The following TMEM132B variants were observed in gnomAD, a reference collection of about 807,000 sequenced individuals.
TMEM132B encodes transmembrane protein 132B.
Under a neutral mutation model 90.8 loss-of-function variants are expected in TMEM132B, and 18 were observed. The ratio of observed to expected loss-of-function variants is 0.20; its 90% CI spans 0.14 to 0.29. The LOEUF (loss-of-function observed/expected upper bound fraction) is 0.29. Among genes scored for constraint, TMEM132B ranks in the 10% least tolerant of loss-of-function variants. The pLI is 1.00. For synonymous variants in TMEM132B, 504 were observed against 523.3 expected (o/e 0.96, Z 0.50); for missense variants, 1,096 against 1,326.8 (o/e 0.83, Z 2.70).
At chr12:125,628,498 AT>A (rs926382622) in intron 5 of TMEM132B, among the ~76,000 whole-genome samples, 7 of 151,980 alleles carry the variant, frequency 4.6e-5, no homozygotes, top group East Asian at 1.9e-4. Context: ...GAATTATTCA[AT>A]TTTTTTCCAA....
chr12:125,418,238 A>G (rs1880074280), intron 3 of TMEM132B, among the ~76,000 whole-genome samples: 2 of 150,560 alleles, frequency 1.3e-5, no homozygotes, highest in South Asian at 4.3e-4. Context: ...TGTGAGAATC[A>G]GTTTTGCATT....
intron 3 of TMEM132B, among the ~76,000 whole-genome samples, chr12:125,439,710 T>C (rs1291017965): frequency 2.0e-5 from 3 of 152,232 alleles, no homozygotes; most frequent in African/African-American, 2.4e-5. Context: ...CTGTGTTGAA[T>C]AGGAGTGGTG....
intron 2 of TMEM132B, among the ~76,000 whole-genome samples, chr12:125,368,543 AT>A (rs1878199499): frequency 6.6e-6 from 1 of 152,098 alleles, no homozygotes; most frequent in African/African-American, 2.4e-5. Context: ...TGGAGTCATG[AT>A]TTCCTTTTTT....
chr12:125,364,486 A>G (rs536141751), intron 2 of TMEM132B, among the ~76,000 whole-genome samples: 2 of 152,262 alleles, frequency 1.3e-5, no homozygotes, highest in African/African-American at 4.8e-5. Context: ...TAGTTTGCAG[A>G]CATTTGTTCA....
At chr12:125,348,677 G>C (rs889003039) in intron 1 of TMEM132B, among the ~76,000 whole-genome samples, 1 of 152,168 alleles carries the variant, frequency 6.6e-6, no homozygotes, top group Admixed American at 6.5e-5. Flanking sequence ...CGGCAACCCA[G>C]TAAGGTAGAA....
intron 5 of TMEM132B, among the ~76,000 whole-genome samples, chr12:125,612,240 C>T (rs1001536761): frequency 1.3e-5 from 2 of 152,030 alleles, no homozygotes; most frequent in Non-Finnish European, 2.9e-5. Flanking sequence ...CTTTGGGAGG[C>T]CAAGGCAGGT....
At chr12:125,531,105 A>C (rs1054063971) in intron 4 of TMEM132B, among the ~76,000 whole-genome samples, 1 of 152,102 alleles carries the variant, frequency 6.6e-6, no homozygotes, top group African/African-American at 2.4e-5. Context: ...TGTTGACTGG[A>C]CTCTGCTAAT....
At chr12:125,494,440 TCCCTCCTCC>T (rs1882464585) in intron 3 of TMEM132B, among the ~76,000 whole-genome samples, 1 of 109,754 alleles carries the variant, frequency 9.1e-6, no homozygotes, top group African/African-American at 3.6e-5. Flanking sequence ...AATGGCCGTG[TCCCTCCTCC>T]CCCTCCTCCC....
chr12:125,390,132 C>A (rs774666802), intron 2 of TMEM132B, among the ~76,000 whole-genome samples: 4 of 152,206 alleles, frequency 2.6e-5, no homozygotes, highest in Non-Finnish European at 4.4e-5. Context: ...AATTCCACTC[C>A]TAGCTAAATA....
intron 3 of TMEM132B, among the ~76,000 whole-genome samples, chr12:125,465,404 T>G (rs1193031562): frequency 6.6e-6 from 1 of 152,216 alleles, no homozygotes; most frequent in African/African-American, 2.4e-5. Context: ...AATTAATGCC[T>G]TCATCAGGTA....
chr12:125,525,415 G>T (rs1333261105), intron 4 of TMEM132B, among the ~76,000 whole-genome samples: 1 of 152,226 alleles, frequency 6.6e-6, no homozygotes, highest in African/African-American at 2.4e-5. Flanking sequence ...TTATAAAAGG[G>T]TTGGAGGAAG....
intron 1 of TMEM132B, among the ~76,000 whole-genome samples, chr12:125,268,065 G>T (rs1874738572): frequency 6.6e-6 from 1 of 152,132 alleles, no homozygotes; most frequent in Non-Finnish European, 1.5e-5. Flanking sequence ...GAGCAACTTA[G>T]CAAGACTCCA....
intron 1 of TMEM132B, among the ~76,000 whole-genome samples, chr12:125,243,706 C>A (rs1338827736): frequency 2.0e-5 from 3 of 152,178 alleles, no homozygotes; most frequent in Non-Finnish European, 4.4e-5. Context: ...AGCCCTTTCC[C>A]CCCATCCCTC....
chr12:125,618,588 A>T (rs1886045476), intron 5 of TMEM132B, among the ~76,000 whole-genome samples: 1 of 152,138 alleles, frequency 6.6e-6, no homozygotes, highest in Admixed American at 6.5e-5. Context: ...GATTTCAGAG[A>T]TTTTCTTAAA....
intron 2 of TMEM132B, among the ~76,000 whole-genome samples, chr12:125,365,107 G>A (rs1878086314): frequency 6.6e-6 from 1 of 151,206 alleles, no homozygotes; most frequent in Non-Finnish European, 1.5e-5. Context: ...CTTTTTGTTT[G>A]GTATTCCTCT....
intron 1 of TMEM132B, among the ~76,000 whole-genome samples, chr12:125,318,044 G>A (rs1377698151): frequency 1.3e-5 from 2 of 152,224 alleles, no homozygotes; most frequent in African/African-American, 4.8e-5. Context: ...GGCGATGTAT[G>A]TCAATAAATG....
At chr12:125,328,652 A>C (rs544561125) in intron 1 of TMEM132B, among the ~76,000 whole-genome samples, 1 of 152,176 alleles carries the variant, frequency 6.6e-6, no homozygotes, top group African/African-American at 2.4e-5. Flanking sequence ...TTCTAAGGTC[A>C]CCAGTCATTG....
chr12:125,329,086 G>A (rs539453030), intron 1 of TMEM132B, among the ~76,000 whole-genome samples: 105 of 152,240 alleles, frequency 6.9e-4, no homozygotes, highest in Middle Eastern at 6.8e-3. Flanking sequence ...AGCCCTCGAG[G>A]GGTAATTAGA....
chr12:125,252,044 G>A (rs1874328160), intron 1 of TMEM132B, among the ~76,000 whole-genome samples: 1 of 152,182 alleles, frequency 6.6e-6, no homozygotes, highest in African/African-American at 2.4e-5. Context: ...TTCTTACAAA[G>A]AGGTGGTCTT....
Sources: gnomAD v4.1 joint callset for allele counts (sites outside exome capture counted in the v4.1 genomes callset) on GRCh38, gnomAD v4.1.1 for gene constraint, MANE v1.5 for transcripts, NCBI Gene and HGNC (gene_info 2026-07-23, HGNC 2026-07-21) for gene names.